Variants in CLVS1 observed in about 807,000 individuals in gnomAD.
CLVS1 encodes clavesin-1.
A neutral mutation model predicts 33.1 loss-of-function variants in CLVS1; 10 were observed. That is an observed-to-expected ratio of 0.30 (90% confidence interval 0.19 to 0.51). CLVS1 has a LOEUF of 0.51. Among genes scored for constraint, CLVS1 ranks in the 20% least tolerant of loss-of-function variants. CLVS1 has a pLI of 0.97. For missense variants in CLVS1, 343 were observed against 433.4 expected, an observed-to-expected ratio of 0.79 and a Z score of 1.85; for synonymous variants, 163 against 166.1, an observed-to-expected ratio of 0.98 and a Z score of 0.14.
intron 2 of CLVS1, among the ~76,000 whole-genome samples, chr8:61,191,616 T>A (rs1408414691): frequency 6.6e-6 from 1 of 152,104 alleles, no homozygotes; most frequent in African/African-American, 2.4e-5. Flanking sequence ...GATTGTATAT[T>A]TAGAAAATCC....
rs114766805 is a variant in CLVS1 at position 61,169,613 on chromosome 8, C to T, written c.-152+37753C>T. Among the ~76,000 whole-genome samples the T allele has an allele frequency of 3.5e-3, 537 of 152,260 alleles. 5 individuals carry two copies. Among genetic ancestry groups the T allele is most frequent in the African/African-American group, 0.012 (509 of 41,550 alleles). ...ATCCCACTCTTTCTTACCACTGCCC[C>T]GAAGAACTCAGAAATATTTTGTCCC... On this transcript the variant is annotated intron_variant, in intron 2 of 2. Transcript: ENST00000522621.
intron 2 of CLVS1, among the ~76,000 whole-genome samples, chr8:61,258,314 C>T (rs946230480): frequency 3.3e-5 from 5 of 152,160 alleles, no homozygotes; most frequent in Non-Finnish European, 5.9e-5. Flanking sequence ...AGCAACCTGT[C>T]TCAGTTTTCC....
intron 2 of CLVS1, among the ~76,000 whole-genome samples, chr8:61,274,807 C>T (rs562427770): frequency 6.6e-6 from 1 of 152,174 alleles, no homozygotes; most frequent in Non-Finnish European, 1.5e-5. Context: ...TTGATTAACA[C>T]TTGTAGTTTC....
chr8:61,292,130 TAATATTCTCAC>T, intron 1 of CLVS1: 1 of 277,170 alleles, frequency 3.6e-6, no homozygotes, highest in Non-Finnish European at 7.2e-6. Context: ...TTTTTTTTTT[TAATATTCTCAC>T]TTTTACGTCT....
intron 3 of CLVS1, among the ~76,000 whole-genome samples, chr8:61,451,856 T>C (rs1816975899): frequency 7.8e-6 from 1 of 128,398 alleles, no homozygotes; most frequent in African/African-American, 3.1e-5. Context: ...GAACAGAGAG[T>C]AGCATGGCTG....
At chr8:61,410,686 G>A (rs895488271) in intron 3 of CLVS1, among the ~76,000 whole-genome samples, 11 of 151,818 alleles carry the variant, frequency 7.2e-5, no homozygotes, top group Admixed American at 4.6e-4. Context: ...CTGTCACCCC[G>A]GCTGGAGTGC....
chr8:61,155,168 G>C (rs1030320764), intron 2 of CLVS1, among the ~76,000 whole-genome samples: 6 of 152,196 alleles, frequency 3.9e-5, no homozygotes, highest in Admixed American at 3.9e-4. Flanking sequence ...ATTGTGGGTC[G>C]TGAGTGTGTT....
At chr8:61,155,401 A>G (rs1806629577) in intron 2 of CLVS1, among the ~76,000 whole-genome samples, 1 of 152,218 alleles carries the variant, frequency 6.6e-6, no homozygotes, top group African/African-American at 2.4e-5. Context: ...ATTAATTAGT[A>G]CTACAATATC....
chr8:61,258,570 G>C (rs910121724), intron 2 of CLVS1, among the ~76,000 whole-genome samples: 3 of 152,164 alleles, frequency 2.0e-5, no homozygotes, highest in South Asian at 2.1e-4. Context: ...TGCACCAGCA[G>C]AATCAGTTCT....
intron 1 of CLVS1, among the ~76,000 whole-genome samples, chr8:61,117,840 TG>T (rs1328480282): frequency 7.9e-5 from 12 of 151,262 alleles, no homozygotes; most frequent in African/African-American, 2.9e-4. Context: ...TCTCTTTTTT[TG>T]TTGTGTCTCT....
chr8:61,469,794 T>C (rs1817674884), intron 5 of CLVS1, among the ~76,000 whole-genome samples: 1 of 152,246 alleles, frequency 6.6e-6, no homozygotes, highest in East Asian at 1.9e-4. Context: ...ATGTTCCATA[T>C]GGCTGTTCCA....
In CLVS1 at chr8:61,179,451, A is replaced by G. The variant is rs192240503; in HGVS notation, c.-152+47591A>G. Among the ~76,000 whole-genome samples the G allele has an allele frequency of 2.8e-4, 43 of 152,336 alleles. 3 individuals carry two copies. In the East Asian group the frequency reaches 8.1e-3, roughly 29 times the overall value. ...AGATCAACAAGACAGAAAGTTAACA[A>G]GGATATTCAGGACTTGAACTCAGCT... On this transcript the variant is annotated intron_variant, in intron 2 of 2. Coordinates refer to the CLVS1 transcript ENST00000522621.
At chr8:61,352,857 A>G (rs1812527240) in intron 2 of CLVS1, among the ~76,000 whole-genome samples, 1 of 152,076 alleles carries the variant, frequency 6.6e-6, no homozygotes. Flanking sequence ...CATAGCATTT[A>G]CATAGCATTA....
chr8:61,324,275 T>C (rs938993979), intron 2 of CLVS1, among the ~76,000 whole-genome samples: 2 of 152,162 alleles, frequency 1.3e-5, no homozygotes, highest in African/African-American at 4.8e-5. Flanking sequence ...GTTTCCCCTA[T>C]ACTTTTCTCA....
chr8:61,118,929 T>C (rs1338933132), intron 1 of CLVS1, among the ~76,000 whole-genome samples: 1 of 152,106 alleles, frequency 6.6e-6, no homozygotes, highest in East Asian at 1.9e-4. Flanking sequence ...GGTATCCTTG[T>C]TGACTTTCTG....
At chr8:61,014,598 T>C in the CLVS1 span, among the ~76,000 whole-genome samples, 1 of 152,234 alleles carries the variant, frequency 6.6e-6, no homozygotes, top group African/African-American at 2.4e-5. Context: ...GAGAAGTCTT[T>C]AGTTGTTTTT....
At chr8:61,213,462 C>T (rs1242318579) in intron 2 of CLVS1, among the ~76,000 whole-genome samples, 7 of 148,748 alleles carry the variant, frequency 4.7e-5, no homozygotes, top group Non-Finnish European at 8.9e-5. Context: ...ATGGAGGGAC[C>T]GGCTGAAGCC....
At chr8:61,279,960 G>A (rs1585744612) in intron 2 of CLVS1, among the ~76,000 whole-genome samples, 1 of 151,444 alleles carries the variant, frequency 6.6e-6, no homozygotes, top group Non-Finnish European at 1.5e-5. Context: ...GAATAAAAGA[G>A]TGTGAACTTT....
At chr8:61,430,010 C>T (rs1314466965) in intron 3 of CLVS1, among the ~76,000 whole-genome samples, 1 of 152,172 alleles carries the variant, frequency 6.6e-6, no homozygotes, top group Admixed American at 6.5e-5. Context: ...CATTTCTATC[C>T]TATTTGCTTT....
Sources: allele counts gnomAD v4.1 joint callset (sites outside exome capture counted in the v4.1 genomes callset), GRCh38; gene constraint gnomAD v4.1.1; transcripts MANE v1.5; gene names NCBI Gene and HGNC (gene_info 2026-07-23, HGNC 2026-07-21).